The following DOCK11 variants were observed in gnomAD, a reference collection of about 807,000 sequenced individuals.
DOCK11 encodes the protein dedicator of cytokinesis protein 11.
In DOCK11, 70 loss-of-function variants were observed where a neutral mutation model predicts 169.1. That is an observed-to-expected ratio of 0.41 (90% CI 0.34 to 0.51). The LOEUF is 0.51. Among genes scored for constraint, DOCK11 ranks in the 20% least tolerant of loss-of-function variants. The pLI is 0.10. For missense variants in DOCK11, 1,166 were observed against 1,538.8 expected (o/e 0.76, Z 4.05); for synonymous variants, 529 against 541.3 (o/e 0.98, Z 0.32).
intron 26 of DOCK11, among the ~76,000 whole-genome samples, chrX:118,609,010 A>T (rs5957035): frequency 0.098 from 10,889 of 111,567 alleles, 477 homozygotes; most frequent in African/African-American, 0.16. Flanking sequence ...TTACCACTTG[A>T]GGGCAATTAG....
In DOCK11 at chrX:118,605,355, A is replaced by G. The variant is rs1249844944; in HGVS notation, c.2680A>G (p.Met894Val). Reference protein sequence around the residue: ...HEDDVPINCTMVLLHIVSKCH... With the variant: ...HEDDVPINCTVVLLHIVSKCH... Reference sequence around the variant, plus strand: ...AGATGACGTTCCTATCAACTGCACCATGTGAGTTTTGGTGTTATAATACAA... The same window carrying G: ...AGATGACGTTCCTATCAACTGCACCGTGTGAGTTTTGGTGTTATAATACAA... The change falls in exon 24 of 53, where the codon ATG (methionine) becomes GTG (valine). Residue 894 changes from methionine to valine, a missense_variant and splice_region_variant. Met to Val is a conservative substitution (Grantham distance 21, BLOSUM62 1). Transcript: ENST00000276202. 1.8e-6 allele frequency: 2 copies of G among 1,133,835 alleles called. No homozygotes were observed. The highest frequency in any genetic ancestry group is 2.4e-6 in the Non-Finnish European group (2 of 837,032). 93.4% of individuals were successfully genotyped at this position (1,133,835 alleles called of 1,213,427 possible). A position where few individuals can be genotyped will look rare whatever the true frequency, so the allele number is the denominator to read the frequency against.
At chrX:118,544,934 G>T (rs938291871) in intron 4 of DOCK11, among the ~76,000 whole-genome samples, 3 of 108,367 alleles carry the variant, frequency 2.8e-5, no homozygotes, top group African/African-American at 1.0e-4. Flanking sequence ...GCCTCCCAAA[G>T]TGTTGGGATT....
At chrX:118,500,078 TC>T (rs1393409535) in intron 1 of DOCK11, among the ~76,000 whole-genome samples, 3 of 107,934 alleles carry the variant, frequency 2.8e-5, no homozygotes, top group Non-Finnish European at 5.8e-5. Context: ...AGACGGAATC[TC>T]CCTCTGTCGC....
chrX:118,585,003 A>T lies in DOCK11; in HGVS notation c.1719-38A>T, dbSNP rs377247198. The T allele has an allele frequency of 9.4e-6, 11 of 1,175,421 alleles. No homozygotes were observed. The African/African-American group carries it at 1.4e-4, about 15-fold the overall frequency. On this transcript the variant is annotated intron_variant, in intron 15 of 52. Transcript: ENST00000276202. ...AGGGTAACCAGTGCATTCAGTAATC[A>T]TAATTTTAACTCTAAAATATTATTA...
chrX:118,676,499 A>G, intron 47 of DOCK11, 92 bp from the exon 48 acceptor site: 1 of 467,004 alleles, frequency 2.1e-6, no homozygotes, highest in Non-Finnish European at 3.3e-6. Flanking sequence ...TTTATTTCAA[A>G]TATATTATTA....
chrX:118,647,139 ATGTGTG>A (rs200211345), intron 40 of DOCK11, among the ~76,000 whole-genome samples: 6,673 of 85,330 alleles, frequency 0.078, 306 homozygotes, highest in East Asian at 0.2. Flanking sequence ...TGAAGAGGAT[ATGTGTG>A]TGTGTGTGTG....
intron 45 of DOCK11, among the ~76,000 whole-genome samples, chrX:118,670,725 C>G (rs1441924662): frequency 1.8e-5 from 2 of 111,621 alleles, no homozygotes; most frequent in African/African-American, 6.5e-5. Flanking sequence ...TAAAAATATT[C>G]TTTCTCGATG....
At chrX:118,569,091 CTT>C (rs1186200391) in intron 10 of DOCK11, among the ~76,000 whole-genome samples, 184 of 44,988 alleles carry the variant, frequency 4.1e-3, no homozygotes, top group African/African-American at 0.013. Context: ...TCTTTCTTTC[CTT>C]TTTTTTTTTT....
At chrX:118,554,552 AAAAAC>A (rs1279274166) in intron 6 of DOCK11, among the ~76,000 whole-genome samples, 2 of 111,419 alleles carry the variant, frequency 1.8e-5, no homozygotes, top group Non-Finnish European at 3.8e-5. Flanking sequence ...TCTGTCTCAA[AAAAAC>A]AAAACAAAAC....
At chrX:118,606,182 G>A (rs1307776973) in intron 24 of DOCK11, among the ~76,000 whole-genome samples, 1 of 101,392 alleles carries the variant, frequency 9.9e-6, no homozygotes, top group African/African-American at 3.7e-5. Context: ...CGATTCTTCT[G>A]CCTCAGCTTC....
chrX:118,558,530 A>T (rs1312994679), intron 6 of DOCK11, among the ~76,000 whole-genome samples: 1 of 112,196 alleles, frequency 8.9e-6, no homozygotes, highest in Non-Finnish European at 1.9e-5. Flanking sequence ...AAATTTTTTA[A>T]ATGTCTAGGA....
At chrX:118,676,440 A>G (rs2016610397) in intron 47 of DOCK11, 151 bp from the exon 48 acceptor site, 2 of 342,928 alleles carry the variant, frequency 5.8e-6, no homozygotes, top group East Asian at 9.5e-5. Flanking sequence ...TGTATTTGAA[A>G]TTAAAAGGGT....
chrX:118,566,278 T>C (rs2013077464), intron 8 of DOCK11, 96 bp downstream of exon 8: 6 of 845,095 alleles, frequency 7.1e-6, no homozygotes, highest in African/African-American at 2.0e-5. Context: ...ACTCTTAATC[T>C]TAAAAGTTGA....
At chrX:118,512,797 C>T (rs1254116533) in intron 1 of DOCK11, among the ~76,000 whole-genome samples, 1 of 111,116 alleles carries the variant, frequency 9.0e-6, no homozygotes, top group Non-Finnish European at 1.9e-5. Flanking sequence ...ATGCCTCTGC[C>T]AGACCCGTGT....
chrX:118,496,187 T>C (rs1175374637), intron 1 of DOCK11, 114 bp downstream of exon 1: 1 of 501,900 alleles, frequency 2.0e-6, no homozygotes, highest in East Asian at 6.4e-5. Flanking sequence ...GCTGTCTTTC[T>C]CCGCTCCAGT....
chrX:118,641,117 G>T, intron 38 of DOCK11, 73 bp from the exon 39 acceptor site: 4 of 796,168 alleles, frequency 5.0e-6, no homozygotes, highest in Non-Finnish European at 7.7e-6. Context: ...TAAGTCTTTG[G>T]GTAGAAAGTC....
At chrX:118,546,630 G>A (rs945915833) in intron 6 of DOCK11, among the ~76,000 whole-genome samples, 3 of 111,856 alleles carry the variant, frequency 2.7e-5, no homozygotes, top group Non-Finnish European at 5.6e-5. Context: ...AGAAAGTTTT[G>A]TAGTTTGACA....
At chrX:118,651,490 C>T (rs1261258066) in intron 41 of DOCK11, among the ~76,000 whole-genome samples, 1 of 111,779 alleles carries the variant, frequency 8.9e-6, no homozygotes, top group Non-Finnish European at 1.9e-5. Flanking sequence ...TTCTGTTAAA[C>T]TAGGTAAACC....
intron 40 of DOCK11, among the ~76,000 whole-genome samples, chrX:118,647,624 ATAT>A (rs1461613778): frequency 3.2e-5 from 2 of 61,654 alleles, no homozygotes; most frequent in Admixed American, 2.8e-4. Context: ...TATATAAGAT[ATAT>A]TATATGTTAA....
Sources: gnomAD v4.1 joint callset for allele counts (sites outside exome capture counted in the v4.1 genomes callset) on GRCh38, gnomAD v4.1.1 for gene constraint, MANE v1.5 for transcripts, NCBI Gene and HGNC (gene_info 2026-07-23, HGNC 2026-07-21) for gene names.